FBXW8: variants seen among roughly 807,000 people sequenced by gnomAD.
FBXW8 encodes F-box and WD repeat domain containing 8.
In FBXW8, 57 loss-of-function variants were observed where a neutral mutation model predicts 65.3. That is an observed-to-expected ratio of 0.87 (90% CI 0.71 to 1.09). FBXW8 has a LOEUF of 1.09. Among genes scored for constraint, FBXW8 ranks in the 50% least tolerant of loss-of-function variants. The pLI is 0.00. For synonymous variants in FBXW8, 308 were observed against 330.2 expected (o/e 0.93, Z 0.73); for missense variants, 777 against 814.8 (o/e 0.95, Z 0.57).
chr12:116,927,856 G>A lies in FBXW8; in HGVS notation c.319-167G>A, dbSNP rs1483079402. On this transcript the variant is annotated intron_variant, in intron 1 of 10. Coordinates refer to ENST00000652555, the MANE Select transcript of FBXW8 (RefSeq NM_153348.3). ...AGGATGGCTGGCAGATTCTGAAATA[G>A]TTCCATGACTGCCTGGTGAAACAGT... is the stretch of plus-strand genomic sequence containing the variant. 2.6e-5 allele frequency among the ~76,000 whole-genome samples: 4 copies of A among 152,196 alleles called. No individual in the cohort carries two copies. The East Asian group carries it at 7.7e-4, about 29-fold the overall frequency.
chr12:117,028,164 C>T lies in FBXW8; in HGVS notation c.1789C>T (p.His597Tyr), dbSNP rs1455925615. ...CCTCGCACTGGCCTTTCCCTATAAC[C>T]ATGTTTAGGGATGTGCCTCAGTTGG... is the stretch of plus-strand genomic sequence containing the variant. ...YDLALAFPYN[H>Y]V Residue 597 changes from histidine to tyrosine, a missense_variant, in exon 11 of 11, where the codon CAT becomes TAT. By Grantham distance (83) the His-to-Tyr change is moderately conservative (BLOSUM62 2). Transcript: ENST00000652555. This position sits in a 1 kb window ranked among gnomAD's most constrained non-coding sequence, Gnocchi z 4.1. The T allele has an allele frequency of 6.2e-7, 1 of 1,614,104 alleles. No individual in the cohort carries two copies. Among genetic ancestry groups the T allele is most frequent in the Admixed American group, 1.7e-5 (1 of 60,030 alleles).
chr12:117,023,676 A>AACTT (rs1160462720), intron 8 of FBXW8, among the ~76,000 whole-genome samples: 3 of 152,258 alleles, frequency 2.0e-5, no homozygotes, highest in East Asian at 1.9e-4. Flanking sequence ...GACAGCAATG[A>AACTT]ACTTACAAAG....
chr12:116,949,872 C>G (rs540611091), intron 4 of FBXW8, 166 bp downstream of exon 4: 11 of 656,966 alleles, frequency 1.7e-5, no homozygotes, highest in Non-Finnish European at 2.7e-5. Flanking sequence ...TTCCCAAGGA[C>G]GTGAGAGCGC....
At chr12:117,023,530 A>G (rs530756080) in intron 8 of FBXW8, among the ~76,000 whole-genome samples, 1 of 152,276 alleles carries the variant, frequency 6.6e-6, no homozygotes, top group East Asian at 1.9e-4. Context: ...GTTTTTAAAG[A>G]GGTTCTTAAA....
At chr12:116,979,192 T>C (rs1885141457) in intron 5 of FBXW8, 2 of 152,218 alleles carry the variant, frequency 1.3e-5, no homozygotes, top group Non-Finnish European at 2.9e-5. Context: ...TATCGAGTAA[T>C]CTTTACAAAA....
At chr12:116,975,511 T>C (rs1884868765) in intron 5 of FBXW8, among the ~76,000 whole-genome samples, 1 of 152,122 alleles carries the variant, frequency 6.6e-6, no homozygotes, top group Admixed American at 6.5e-5. Context: ...AACACTGAAA[T>C]GGTGGTAGGG....
intron 2 of FBXW8, among the ~76,000 whole-genome samples, chr12:116,930,210 A>G (rs1038103166): frequency 1.3e-5 from 2 of 152,212 alleles, no homozygotes; most frequent in Non-Finnish European, 2.9e-5. Context: ...TTGCTGAATC[A>G]TATGGTAGTT....
chr12:116,980,274 TCCTGGTTCTGATC>T (rs1378576154), intron 5 of FBXW8: 3 of 152,282 alleles, frequency 2.0e-5, no homozygotes, highest in African/African-American at 7.2e-5. Flanking sequence ...TCTTCCTGGT[TCCTGGTTCTGATC>T]CCTTATCACC....
At chr12:117,019,456 GCTAC>G (rs1316803861) in intron 8 of FBXW8, among the ~76,000 whole-genome samples, 1 of 152,172 alleles carries the variant, frequency 6.6e-6, no homozygotes, top group Non-Finnish European at 1.5e-5. Flanking sequence ...CATTTGCTGT[GCTAC>G]CTGTTTCCCA....
intron 7 of FBXW8, among the ~76,000 whole-genome samples, chr12:116,992,756 T>G (rs1953273811): frequency 1.1e-5 from 1 of 93,612 alleles, no homozygotes; most frequent in Non-Finnish European, 2.5e-5. Flanking sequence ...TGAGTATTAT[T>G]CCATGGTGTG....
At chr12:116,985,535 T>C in intron 6 of FBXW8, 133 bp downstream of exon 6, 1 of 815,132 alleles carries the variant, frequency 1.2e-6, no homozygotes, top group Non-Finnish European at 1.9e-6. Flanking sequence ...TAAGTCTAAC[T>C]ACAGCCTTAC....
rs139309739 is a variant in FBXW8, at chr12:117,016,383, C to T, written c.1367+5933C>T. On this transcript the variant is annotated intron_variant, in intron 8 of 10. Coordinates refer to ENST00000652555, the MANE Select transcript of FBXW8 (RefSeq NM_153348.3). ...CTGACAGCCAGTGGTGATTAACATC[C>T]TTTCACGTGCTTATTGCCTGTTTGT... is the stretch of plus-strand genomic sequence containing the variant. 3.9e-3 allele frequency among the ~76,000 whole-genome samples: 588 copies of T among 152,318 alleles called. 2 individuals are homozygous for T. Among genetic ancestry groups the T allele is most frequent in the African/African-American group, 0.012 (506 of 41,562 alleles).
chr12:116,913,020 G>A (rs145275925), intron 1 of FBXW8, among the ~76,000 whole-genome samples: 2,050 of 152,256 alleles, frequency 0.013, 26 homozygotes, highest in South Asian at 0.054. Flanking sequence ...GATTGAATTT[G>A]GATCCAGGTC....
chr12:116,916,317 G>A (rs1232324612), intron 1 of FBXW8, among the ~76,000 whole-genome samples: 1 of 152,154 alleles, frequency 6.6e-6, no homozygotes, highest in African/African-American at 2.4e-5. Flanking sequence ...TCTCACTTTT[G>A]ATAGTAACTT....
chr12:116,987,827 C>T (rs1326253445), intron 6 of FBXW8, among the ~76,000 whole-genome samples: 1 of 152,208 alleles, frequency 6.6e-6, no homozygotes, highest in Non-Finnish European at 1.5e-5. Context: ...CTCCCCATCT[C>T]ATAATCCACT....
intron 5 of FBXW8, 33 bp downstream of exon 5, chr12:116,964,887 A>T (rs1352343759): frequency 3.7e-6 from 5 of 1,346,684 alleles, no homozygotes; most frequent in Non-Finnish European, 4.9e-6. Flanking sequence ...CCTATTAAGG[A>T]AAAAAAAAAG....
At chr12:116,930,839 ACT>A (rs1881709531) in intron 2 of FBXW8, among the ~76,000 whole-genome samples, 1 of 152,016 alleles carries the variant, frequency 6.6e-6, no homozygotes, top group Admixed American at 6.6e-5. Flanking sequence ...ACAGAGCCTC[ACT>A]CTGTTGCCCA....
chr12:116,984,614 T>A (rs1419123208), intron 5 of FBXW8, among the ~76,000 whole-genome samples: 5 of 152,220 alleles, frequency 3.3e-5, no homozygotes, highest in African/African-American at 1.2e-4. Context: ...ATGCTACATG[T>A]AGGAAATTTC....
intron 2 of FBXW8, among the ~76,000 whole-genome samples, chr12:116,944,641 T>C (rs993178502): frequency 2.6e-5 from 4 of 152,348 alleles, no homozygotes; most frequent in Non-Finnish European, 4.4e-5. Flanking sequence ...TTTTGCAGTC[T>C]GGCCAACTTT....
Sources: allele counts gnomAD v4.1 joint callset (sites outside exome capture counted in the v4.1 genomes callset), GRCh38; gene constraint gnomAD v4.1.1; non-coding constraint Gnocchi (gnomAD v3.1); transcripts MANE v1.5; gene names NCBI Gene and HGNC (gene_info 2026-07-23, HGNC 2026-07-21).